The following ADARB1 variants were observed in gnomAD, a reference collection of about 807,000 sequenced individuals.
The protein encoded by ADARB1 is double-stranded RNA-specific editase 1.
Under a neutral mutation model 52.4 loss-of-function variants are expected in ADARB1, and 10 were observed. That is an observed-to-expected ratio of 0.19 (90% CI 0.12 to 0.32). ADARB1 has a LOEUF of 0.32. ADARB1 is among the 10% of genes least tolerant of loss of function. The probability of loss-of-function intolerance (pLI) is 1.00; values close to 1 mark genes in which losing one functional copy is unlikely to be tolerated. For missense variants in ADARB1, 643 were observed against 922.3 expected, an observed-to-expected ratio of 0.70 and a Z score of 3.92; for synonymous variants, 349 against 371.1, an observed-to-expected ratio of 0.94 and a Z score of 0.68.
chr21:45,190,254 A>C (rs181788592), intron 8 of ADARB1, among the ~76,000 whole-genome samples: 1 of 152,084 alleles, frequency 6.6e-6, no homozygotes, highest in Admixed American at 6.5e-5. Flanking sequence ...TTTTCAGTTC[A>C]GTTATTGTAT....
chr21:45,185,752 GA>G (rs200018700), intron 8 of ADARB1, among the ~76,000 whole-genome samples: 1 of 151,262 alleles, frequency 6.6e-6, no homozygotes, highest in East Asian at 1.9e-4. Flanking sequence ...TGTTTATTTG[GA>G]AAAAAAAAGT....
intron 1 of ADARB1, among the ~76,000 whole-genome samples, chr21:45,092,748 G>A (rs2086607863): frequency 6.6e-6 from 1 of 152,122 alleles, no homozygotes; most frequent in Non-Finnish European, 1.5e-5. Flanking sequence ...CCAAAACAGA[G>A]CAGACAAGGC....
At chr21:45,119,547 C>T (rs193101890) in intron 1 of ADARB1, among the ~76,000 whole-genome samples, 47 of 152,294 alleles carry the variant, frequency 3.1e-4, no homozygotes, top group Non-Finnish European at 6.2e-4. Context: ...TCTTATGAGA[C>T]GTGTTGTTCT....
At position 45,139,491 on chromosome 21, in the gene ADARB1, A is replaced by G. The variant is rs9984964; in HGVS notation, c.-48+10918A>G. Among the ~76,000 whole-genome samples the G allele has an allele frequency of 8.9e-3, 1,353 of 151,634 alleles. 22 individuals carry two copies. Among genetic ancestry groups the G allele is most frequent in the African/African-American group, 0.031 (1,283 of 41,316 alleles). On this transcript the variant is annotated intron_variant, in intron 2 of 10. Coordinates refer to ENST00000348831, the MANE Select transcript of ADARB1 (RefSeq NM_001112.4). ...TGGCTCCGTTTTCTCTTTTTCCCAT[A>G]TTCTTGCCTGGCATGGAGTGGTAGA...
At chr21:45,148,744 A>G (rs1340355780) in intron 2 of ADARB1, among the ~76,000 whole-genome samples, 1 of 152,166 alleles carries the variant, frequency 6.6e-6, no homozygotes, top group African/African-American at 2.4e-5. Flanking sequence ...TTGCTCTAAC[A>G]TCCGCCCCTC....
Position 45,200,553 on chromosome 21 carries a change from AG to A in ADARB1, c.1566-4000del, listed in dbSNP as rs1336302636. ...AGAGCACTGTGTTGGGCAGACTCAA[AG>A]GCACGCACAGGAAGGGGGATGGCTT... On this transcript the variant is annotated intron_variant, in intron 8 of 10. Transcript: ENST00000348831. This position sits in a 1 kb window ranked among gnomAD's most constrained non-coding sequence, Gnocchi z 5.0. 1.3e-5 allele frequency among the ~76,000 whole-genome samples: 2 copies of A among 152,168 alleles called. No individual in the cohort carries two copies. Among genetic ancestry groups the A allele is most frequent in the Admixed American group, 6.5e-5 (1 of 15,280 alleles).
intron 2 of ADARB1, among the ~76,000 whole-genome samples, chr21:45,171,321 C>G (rs557296624): frequency 1.3e-5 from 2 of 152,326 alleles, no homozygotes; most frequent in African/African-American, 4.8e-5. Context: ...ACCTCCCTTG[C>G]TGGGACCTGG....
intron 1 of ADARB1, among the ~76,000 whole-genome samples, chr21:45,108,646 C>T (rs1051080373): frequency 6.6e-6 from 1 of 152,240 alleles, no homozygotes. Context: ...ATCCCTAAAC[C>T]TAGGGGTTTA....
chr21:45,078,669 G>T (rs575550832), intron 1 of ADARB1, among the ~76,000 whole-genome samples: 20 of 152,362 alleles, frequency 1.3e-4, no homozygotes, highest in African/African-American at 4.8e-4. Flanking sequence ...AGTGAGATGG[G>T]AGTGGAGGAG....
chr21:45,202,632 C>T (rs1322834700), intron 8 of ADARB1, among the ~76,000 whole-genome samples: 1 of 152,200 alleles, frequency 6.6e-6, no homozygotes, highest in Non-Finnish European at 1.5e-5. Flanking sequence ...AGATCTAAGC[C>T]CGAATGTTTC....
In ADARB1 at chr21:45,175,983, G is replaced by A. The variant is rs745476919; in HGVS notation, c.282G>A (p.Gln94=). ...TGAATGAGATCAAGCCTGGTTTGCAGTACACACTCCTGTCCCAGACTGGGC... is the reference window on the plus strand; with the variant it reads ...TGAATGAGATCAAGCCTGGTTTGCAATACACACTCCTGTCCCAGACTGGGC... ...MQLNEIKPGL[Q]YTLLSQTGPV... is the part of the protein sequence containing the mutation. The change falls in exon 4 of 11, where the codon CAG becomes CAA. Residue 94 remains glutamine, a synonymous_variant. Transcript: ENST00000348831. 13 of 1,613,862 alleles carry A rather than the reference G, an allele frequency of 8.1e-6. No homozygotes were observed. Among genetic ancestry groups the A allele is most frequent in the East Asian group, 6.7e-5 (3 of 44,886 alleles).
At chr21:45,110,044 CTTTTA>C (rs1205951534) in intron 1 of ADARB1, among the ~76,000 whole-genome samples, 2 of 152,196 alleles carry the variant, frequency 1.3e-5, no homozygotes, top group Admixed American at 6.5e-5. Flanking sequence ...ATTCTGACCA[CTTTTA>C]TTTTTAACAT....
intron 1 of ADARB1, among the ~76,000 whole-genome samples, chr21:45,105,079 GTTGTTTTGTTTTGTTTTGTT>G (rs147012547): frequency 6.7e-5 from 10 of 150,096 alleles, no homozygotes; most frequent in Admixed American, 5.3e-4. Context: ...TTGCTGCTTC[GTTGTTTTGTTTTGTTTTGTT>G]TTGTTTTGTT....
Position 45,155,692 on chromosome 21 carries a change from G to A in ADARB1, c.-47-15918G>A, listed in dbSNP as rs184408458. ...TCCATCTAGTCATCCATCTATCTGC[G>A]CATCTACCCATCACCCATCTATTCA... On this transcript the variant is annotated intron_variant, in intron 2 of 10. Transcript: ENST00000348831. 1.7e-3 allele frequency among the ~76,000 whole-genome samples: 257 copies of A among 147,372 alleles called. 1 individual carries two copies. The highest frequency in any genetic ancestry group is 6.3e-3 in the African/African-American group (248 of 39,504).
intron 1 of ADARB1, among the ~76,000 whole-genome samples, chr21:45,102,629 A>T (rs1412784323): frequency 6.6e-6 from 1 of 152,250 alleles, no homozygotes; most frequent in African/African-American, 2.4e-5. Flanking sequence ...CAACTGAAAG[A>T]GCTCCCAGTG....
At chr21:45,178,955 G>A (rs1420687413) in intron 4 of ADARB1, among the ~76,000 whole-genome samples, 1 of 152,094 alleles carries the variant, frequency 6.6e-6, no homozygotes, top group Non-Finnish European at 1.5e-5. Context: ...AAAGTTCTTC[G>A]CCTCTCTTTG....
In ADARB1 at chr21:45,165,157, C is replaced by T. The variant is rs137864408; in HGVS notation, c.-47-6453C>T. 1.6e-3 allele frequency among the ~76,000 whole-genome samples: 247 copies of T among 152,204 alleles called. 2 individuals carry two copies. Among genetic ancestry groups the T allele is most frequent in the South Asian group, 0.013 (65 of 4,820 alleles). On this transcript the variant is annotated intron_variant, in intron 2 of 10. Coordinates refer to ENST00000348831, the MANE Select transcript of ADARB1 (RefSeq NM_001112.4). ...CTGTGCGACTGGCATGTGGTTCTCC[C>T]GTGATGCATCCCTTTTAGTGAGGAA...
chr21:45,183,237 TA>T, intron 6 of ADARB1, 124 bp from the exon 7 acceptor site: 2 of 938,598 alleles, frequency 2.1e-6, no homozygotes, highest in Non-Finnish European at 3.0e-6. Context: ...CCTAAACATG[TA>T]AAATAAATAT....
At chr21:45,075,500 G>A (rs893954635) in intron 1 of ADARB1, among the ~76,000 whole-genome samples, 1 of 152,208 alleles carries the variant, frequency 6.6e-6, no homozygotes, top group Non-Finnish European at 1.5e-5. Flanking sequence ...GATGCTCTGC[G>A]CCGCGGGCGG....
Sources: gnomAD v4.1 joint callset for allele counts (sites outside exome capture counted in the v4.1 genomes callset) on GRCh38, gnomAD v4.1.1 for gene constraint, Gnocchi (gnomAD v3.1) non-coding constraint, MANE v1.5 for transcripts, NCBI Gene and HGNC (gene_info 2026-07-23, HGNC 2026-07-21) for gene names.